CPEB4: variants seen among roughly 807,000 people sequenced by gnomAD.
CPEB4 encodes cytoplasmic polyadenylation element binding protein 4, also known as cytoplasmic polyadenylation element-binding protein 4.
In CPEB4, 12 loss-of-function variants were observed where a neutral mutation model predicts 72.5. The observed-to-expected ratio is 0.17, with a 90% CI of 0.11 to 0.27. The LOEUF (loss-of-function observed/expected upper bound fraction) is 0.27, where lower values mean the gene tolerates loss of function less well. CPEB4 is among the 10% of genes least tolerant of loss of function. The probability of loss-of-function intolerance (pLI) is 1.00; values close to 1 mark genes in which losing one functional copy is unlikely to be tolerated. For missense variants in CPEB4, 614 were observed against 908.5 expected (o/e 0.68, Z 4.17); for synonymous variants, 302 against 326.3 (o/e 0.93, Z 0.80).
At chr5:173,951,382 A>G (rs548914422) in intron 7 of CPEB4, among the ~76,000 whole-genome samples, 2 of 152,328 alleles carry the variant, frequency 1.3e-5, no homozygotes, top group South Asian at 4.1e-4. Flanking sequence ...AATGCATCAG[A>G]TTTGATAGTA....
At chr5:173,951,669 G>A (rs1758221078) in intron 7 of CPEB4, among the ~76,000 whole-genome samples, 155 bp from the exon 8 acceptor site, 1 of 152,070 alleles carries the variant, frequency 6.6e-6, no homozygotes. Context: ...CGATGGGTTG[G>A]GATACACTGT....
chr5:173,940,630 G>T (rs113576901), intron 3 of CPEB4, among the ~76,000 whole-genome samples: 8 of 152,030 alleles, frequency 5.3e-5, no homozygotes, highest in African/African-American at 1.9e-4. Flanking sequence ...TGAACTTATG[G>T]TTTATTTTTG....
chr5:173,941,670 C>T (rs1385126980), intron 3 of CPEB4, among the ~76,000 whole-genome samples: 2 of 151,752 alleles, frequency 1.3e-5, no homozygotes, highest in African/African-American at 2.4e-5. Context: ...ATCAGGAGTT[C>T]GAGACCAATT....
Position 173,957,688 on chromosome 5 carries a change from A to G in CPEB4, c.*1551A>G, listed in dbSNP as rs1758422468. On this transcript the variant is annotated 3_prime_UTR_variant, in exon 10 of 10. Coordinates refer to ENST00000265085, the MANE Select transcript of CPEB4 (RefSeq NM_030627.4). ...ATTATCAGTGGGCAAAACATGAAAT[A>G]ATATGATCGAATGGCAATCTTGCTA... The G allele has an allele frequency of 6.5e-6, 1 of 152,814 alleles. No individual in the cohort carries two copies. Among genetic ancestry groups the G allele is most frequent in the Non-Finnish European group, 1.5e-5 (1 of 68,050 alleles). The allele number at this position is 152,814 out of a possible 1,614,324, so 9.5% of individuals were successfully genotyped here.
At chr5:173,944,185 T>C (rs1487222511) in intron 4 of CPEB4, among the ~76,000 whole-genome samples, 1 of 152,188 alleles carries the variant, frequency 6.6e-6, no homozygotes, top group Non-Finnish European at 1.5e-5. Context: ...ATAATAAATA[T>C]ATCTTTAGCA....
chr5:173,951,748 T>G, intron 7 of CPEB4, 76 bp from the exon 8 acceptor site: 1 of 807,870 alleles, frequency 1.2e-6, no homozygotes, highest in Non-Finnish European at 2.2e-6. Context: ...AAAAATACTT[T>G]GTAATAATTG....
At position 173,955,793 on chromosome 5, in the gene CPEB4, C is replaced by A; in HGVS notation, c.1963-117C>A. 2.8e-6 allele frequency: 2 copies of A among 719,712 alleles called. No homozygotes were observed. The highest frequency in any genetic ancestry group is 2.1e-5 in the South Asian group (1 of 46,678). 44.6% of individuals were successfully genotyped at this position (719,712 alleles called of 1,614,324 possible). On this transcript the variant is annotated intron_variant, in intron 9 of 9. Coordinates refer to ENST00000265085, the MANE Select transcript of CPEB4 (RefSeq NM_030627.4). The surrounding 1 kb of genome is among the most constrained non-coding windows in gnomAD (Gnocchi z 4.7). ...TATTTCAGTAAATGAATAATTAGTCCTTCCTCTTTGGGCACCTTGGAACAG... is the reference window on the plus strand; with the variant it reads ...TATTTCAGTAAATGAATAATTAGTCATTCCTCTTTGGGCACCTTGGAACAG...
chr5:173,940,642 G>A (rs1310662991), intron 3 of CPEB4, among the ~76,000 whole-genome samples: 3 of 152,004 alleles, frequency 2.0e-5, no homozygotes, highest in Admixed American at 1.3e-4. Flanking sequence ...TTATTTTTGT[G>A]TATATGTCAT....
intron 9 of CPEB4, among the ~76,000 whole-genome samples, chr5:173,954,261 A>G (rs1758305730): frequency 1.3e-5 from 2 of 152,198 alleles, no homozygotes; most frequent in Admixed American, 1.3e-4. Flanking sequence ...CTTCACTGGC[A>G]GTAAAAAAAT....
intron 5 of CPEB4, among the ~76,000 whole-genome samples, chr5:173,945,922 C>A (rs1758000703): frequency 6.6e-6 from 1 of 152,116 alleles, no homozygotes; most frequent in African/African-American, 2.4e-5. Flanking sequence ...AAGTAGCAGA[C>A]CTTATAGCAT....
chr5:173,914,811 T>C (rs1394646280), intron 2 of CPEB4, among the ~76,000 whole-genome samples: 2 of 152,108 alleles, frequency 1.3e-5, no homozygotes, highest in African/African-American at 2.4e-5. Context: ...TAGAGAACAG[T>C]ATACCACTCA....
At position 173,941,548 on chromosome 5, in the gene CPEB4, T is replaced by A. The variant is rs148495419; in HGVS notation, c.1259-1478T>A. On this transcript the variant is annotated intron_variant, in intron 3 of 9. Transcript: ENST00000265085. ...GAATGAGAATAAAAACCTTGACCAG[T>A]TTGTGAGTTTGTATAGTGATTTCTT... 6.4e-3 allele frequency among the ~76,000 whole-genome samples: 980 copies of A among 152,250 alleles called. 8 individuals carry two copies. The highest frequency in any genetic ancestry group is 0.023 in the African/African-American group (948 of 41,544).
intron 3 of CPEB4, among the ~76,000 whole-genome samples, chr5:173,935,829 ATGT>A (rs1389317679): frequency 6.6e-6 from 1 of 152,190 alleles, no homozygotes; most frequent in Non-Finnish European, 1.5e-5. Flanking sequence ...TATTGGACTA[ATGT>A]TGTAATTTGC....
At chr5:173,896,328 A>G (rs1756009781) in intron 1 of CPEB4, among the ~76,000 whole-genome samples, 1 of 152,248 alleles carries the variant, frequency 6.6e-6, no homozygotes, top group African/African-American at 2.4e-5. Context: ...GCAGAAATTA[A>G]AAGTATGTTT....
At chr5:173,926,930 C>A (rs1048746555) in intron 2 of CPEB4, among the ~76,000 whole-genome samples, 1 of 152,148 alleles carries the variant, frequency 6.6e-6, no homozygotes, top group African/African-American at 2.4e-5. Flanking sequence ...GGAGGCATCA[C>A]CTGAGGTCAG....
chr5:173,927,186 C>A (rs1430772629), intron 2 of CPEB4, among the ~76,000 whole-genome samples: 1 of 151,918 alleles, frequency 6.6e-6, no homozygotes, highest in African/African-American at 2.4e-5. Context: ...TCTCAAAAAC[C>A]CAACCAGACA....
At chr5:173,931,545 C>G (rs1334777727) in intron 2 of CPEB4, among the ~76,000 whole-genome samples, 2 of 152,170 alleles carry the variant, frequency 1.3e-5, no homozygotes, top group Non-Finnish European at 2.9e-5. Flanking sequence ...TTCAGTCATT[C>G]TTCTCAAGGT....
At chr5:173,928,876 G>A (rs749093164) in intron 2 of CPEB4, among the ~76,000 whole-genome samples, 1 of 152,156 alleles carries the variant, frequency 6.6e-6, no homozygotes, top group Non-Finnish European at 1.5e-5. Flanking sequence ...GGGCACACAA[G>A]TTAGGGAAGC....
At chr5:173,894,620 C>CA (rs35059321) in intron 1 of CPEB4, among the ~76,000 whole-genome samples, 17,095 of 90,012 alleles carry the variant, frequency 0.19, 1,770 homozygotes, top group African/African-American at 0.36. Flanking sequence ...GACTCCGACT[C>CA]AAAAAAAAAA....
Sources: allele counts gnomAD v4.1 joint callset (sites outside exome capture counted in the v4.1 genomes callset), GRCh38; gene constraint gnomAD v4.1.1; non-coding constraint Gnocchi (gnomAD v3.1); transcripts MANE v1.5; gene names NCBI Gene and HGNC (gene_info 2026-07-23, HGNC 2026-07-21).